USP6NL: variants seen among roughly 807,000 people sequenced by gnomAD.
USP6NL encodes USP6 N-terminal like.
In USP6NL, 26 loss-of-function variants were observed where a neutral mutation model predicts 61.9. The observed-to-expected ratio is 0.42, with a 90% CI of 0.31 to 0.58. The LOEUF (loss-of-function observed/expected upper bound fraction) is 0.58. USP6NL is among the 20% of genes least tolerant of loss of function. The pLI, the probability that USP6NL is intolerant of heterozygous loss-of-function variation, is 0.16. For synonymous variants in USP6NL, 432 were observed against 390.1 expected, an observed-to-expected ratio of 1.11 and a Z score of -1.27; for missense variants, 1,114 against 1,034.3, an observed-to-expected ratio of 1.08 and a Z score of -1.06.
Position 11,462,809 on chromosome 10 carries a change from C to A in USP6NL, c.2119G>T (p.Ala707Ser), listed in dbSNP as rs2096220836. Residue 707 changes from alanine (A) to serine (S), a missense_variant, in exon 15 of 15, where the codon GCT becomes TCT. By Grantham distance (99) the Ala-to-Ser change is moderately conservative. Coordinates refer to ENST00000609104, the MANE Select transcript of USP6NL (RefSeq NM_014688.5). ...CCTGAATTGCCCGAATATCCCCCAG[C>A]ACCAGTGTCAACAGGGAGGACTTCT... Reference protein sequence around the residue: ...RIEVLPVDTGAGGYSGNSGSP... With the variant: ...RIEVLPVDTGSGGYSGNSGSP... 6.2e-7 allele frequency: 1 copy of A among 1,614,012 alleles called. No individual in the cohort carries two copies. The highest frequency in any genetic ancestry group is 8.5e-7 in the Non-Finnish European group (1 of 1,179,898).
At chr10:11,472,062 C>A (rs993894983) in intron 14 of USP6NL, among the ~76,000 whole-genome samples, 9 of 151,908 alleles carry the variant, frequency 5.9e-5, no homozygotes, top group African/African-American at 2.2e-4. Flanking sequence ...TGTGAAAATA[C>A]CACATTTTTT....
intron 6 of USP6NL, among the ~76,000 whole-genome samples, chr10:11,505,223 G>C (rs1591857302): frequency 6.6e-6 from 1 of 152,142 alleles, no homozygotes; most frequent in Non-Finnish European, 1.5e-5. Context: ...GGAAAAGTGG[G>C]GGTGGGAGCA....
At chr10:11,593,938 T>G (rs886353766) in intron 2 of USP6NL, among the ~76,000 whole-genome samples, 1 of 152,130 alleles carries the variant, frequency 6.6e-6, no homozygotes, top group African/African-American at 2.4e-5. Flanking sequence ...CAAAGATAAA[T>G]CTAACCAGAT....
chr10:11,540,024 A>G lies in USP6NL; in HGVS notation c.5-12457T>C, dbSNP rs542410304. Among the ~76,000 whole-genome samples the G allele has an allele frequency of 2.0e-5, 3 of 152,338 alleles. No homozygotes were observed. Among genetic ancestry groups the G allele is most frequent in the East Asian group, 1.9e-4 (1 of 5,194 alleles). On this transcript the variant is annotated intron_variant, in intron 2 of 14. Transcript: ENST00000609104. This position sits in a 1 kb window ranked among gnomAD's most constrained non-coding sequence, Gnocchi z 5.0. ...TTCAAAGCCATGTTTCTAACCATCA[A>G]GTGCTTTTGTTGAAGTGTAAGTATT...
chr10:11,496,048 GA>G lies in USP6NL; in HGVS notation c.385-2821del, dbSNP rs1332673496. On this transcript the variant is annotated intron_variant, in intron 7 of 14. Coordinates refer to ENST00000609104, the MANE Select transcript of USP6NL (RefSeq NM_014688.5). This position sits in a 1 kb window ranked among gnomAD's most constrained non-coding sequence, Gnocchi z 5.4. ...GGAAGACAAGCACCTGGCTGCTAGT[GA>G]TCTGGGAGGTGAGTTGAGGAAAAAG... Among the ~76,000 whole-genome samples, 32 of 152,342 alleles carry G rather than the reference GA, an allele frequency of 2.1e-4. No homozygotes were observed. The highest frequency in any genetic ancestry group is 7.0e-4 in the African/African-American group (29 of 41,594).
chr10:11,568,384 A>C (rs1319009248), intron 2 of USP6NL, among the ~76,000 whole-genome samples: 1 of 152,188 alleles, frequency 6.6e-6, no homozygotes, highest in Non-Finnish European at 1.5e-5. Context: ...ACTTACCTAA[A>C]GTCATATGAT....
intron 5 of USP6NL, among the ~76,000 whole-genome samples, chr10:11,517,486 A>T (rs990813521): frequency 2.0e-5 from 3 of 152,230 alleles, no homozygotes; most frequent in African/African-American, 4.8e-5. Context: ...ACTATGTCTT[A>T]TTTAATCCTA....
chr10:11,573,082 A>G, intron 2 of USP6NL, among the ~76,000 whole-genome samples: 1 of 152,144 alleles, frequency 6.6e-6, no homozygotes, highest in East Asian at 1.9e-4. Context: ...ATAATCATAA[A>G]CAGAATTATT....
chr10:11,552,885 G>A, intron 2 of USP6NL, among the ~76,000 whole-genome samples: 1 of 152,102 alleles, frequency 6.6e-6, no homozygotes, highest in East Asian at 1.9e-4. Context: ...GATATATTGT[G>A]TAGTGGTGAA....
At chr10:11,492,393 T>C (rs1012890517) in intron 8 of USP6NL, among the ~76,000 whole-genome samples, 1 of 152,222 alleles carries the variant, frequency 6.6e-6, no homozygotes, top group African/African-American at 2.4e-5. Flanking sequence ...TAACTTTAAG[T>C]AGGAGAGATT....
intron 2 of USP6NL, among the ~76,000 whole-genome samples, chr10:11,541,194 G>A (rs1836036850): frequency 8.0e-6 from 1 of 124,496 alleles, no homozygotes; most frequent in Admixed American, 9.1e-5. Flanking sequence ...TATATAATAA[G>A]TAAGATTTAT....
intron 2 of USP6NL, among the ~76,000 whole-genome samples, chr10:11,581,926 C>A (rs1479283059): frequency 6.6e-6 from 1 of 152,156 alleles, no homozygotes; most frequent in East Asian, 1.9e-4. Flanking sequence ...GTGCCCACCA[C>A]CACGCCGGGC....
At chr10:11,531,668 T>TA (rs71511388) in intron 2 of USP6NL, among the ~76,000 whole-genome samples, 18,062 of 137,022 alleles carry the variant, frequency 0.13, 1,327 homozygotes, top group Non-Finnish European at 0.17. Flanking sequence ...GATGTTTGTT[T>TA]AAAAAAAAAA....
At chr10:11,545,329 C>G (rs1478113109) in intron 2 of USP6NL, among the ~76,000 whole-genome samples, 1 of 152,134 alleles carries the variant, frequency 6.6e-6, no homozygotes, top group Non-Finnish European at 1.5e-5. Context: ...TTCTTCACTG[C>G]TCTAAAAGAA....
intron 2 of USP6NL, among the ~76,000 whole-genome samples, chr10:11,577,705 T>G (rs929485925): frequency 4.0e-5 from 6 of 151,684 alleles, no homozygotes; most frequent in Non-Finnish European, 8.8e-5. Context: ...CCATGTTGGT[T>G]GGCCAAGCTG....
intron 2 of USP6NL, among the ~76,000 whole-genome samples, chr10:11,543,537 A>G (rs11257162): frequency 0.92 from 139,825 of 151,652 alleles, 64,705 homozygotes; most frequent in East Asian, 1. Flanking sequence ...GTGAGACTCC[A>G]TCTCAAAAAA....
chr10:11,577,094 G>A (rs1837576552), intron 2 of USP6NL, among the ~76,000 whole-genome samples: 1 of 132,378 alleles, frequency 7.6e-6, no homozygotes, highest in Admixed American at 8.4e-5. Flanking sequence ...GTCTGGCTCT[G>A]TCACCCAGGC....
intron 14 of USP6NL, among the ~76,000 whole-genome samples, chr10:11,464,131 C>A (rs186152011): frequency 6.6e-6 from 1 of 152,266 alleles, no homozygotes; most frequent in African/African-American, 2.4e-5. Context: ...AGCAAGGAGG[C>A]GGTCCTCTGA....
intron 14 of USP6NL, among the ~76,000 whole-genome samples, chr10:11,473,196 T>C (rs1832827470): frequency 6.6e-6 from 1 of 151,280 alleles, no homozygotes; most frequent in South Asian, 2.1e-4. Context: ...GTTTTTTTAT[T>C]ATCTAAAAAA....
Sources: allele counts gnomAD v4.1 joint callset (sites outside exome capture counted in the v4.1 genomes callset), GRCh38; gene constraint gnomAD v4.1.1; non-coding constraint Gnocchi (gnomAD v3.1); transcripts MANE v1.5; gene names NCBI Gene and HGNC (gene_info 2026-07-23, HGNC 2026-07-21).